The following AFDN variants were observed in gnomAD, a reference collection of about 807,000 sequenced individuals.
AFDN encodes the protein afadin.
In AFDN, 68 loss-of-function variants were observed where a neutral mutation model predicts 216.6. That is an observed-to-expected ratio of 0.31 (90% CI 0.26 to 0.38). AFDN has a LOEUF of 0.38. Ranked by LOEUF, AFDN falls within the 10% of genes least tolerant of loss-of-function variation. The probability of loss-of-function intolerance (pLI) is 1.00; values close to 1 mark genes in which losing one functional copy is unlikely to be tolerated. For missense variants in AFDN, 2,136 were observed against 2,342.0 expected, an observed-to-expected ratio of 0.91 and a Z score of 1.82; for synonymous variants, 868 against 853.7, an observed-to-expected ratio of 1.02 and a Z score of -0.29.
chr6:167,893,831 A>C, intron 8 of AFDN, 31 bp from the exon 9 acceptor site: 1 of 1,554,634 alleles, frequency 6.4e-7, no homozygotes, highest in Admixed American at 1.9e-5. Context: ...TGCTGCCTTC[A>C]CCTGGGTCCT....
chr6:167,916,093 C>T (rs887204197), intron 19 of AFDN, among the ~76,000 whole-genome samples: 18 of 152,194 alleles, frequency 1.2e-4, no homozygotes, highest in African/African-American at 4.3e-4. Context: ...CTTCTGGGGG[C>T]TCTGAGGAAA....
Position 167,946,936 on chromosome 6 carries a change from T to C in AFDN, c.3553+35T>C, listed in dbSNP as rs774043050. 5.1e-6 allele frequency: 8 copies of C among 1,563,276 alleles called. No individual in the cohort carries two copies. The South Asian group carries it at 7.0e-5, about 14-fold the overall frequency. On this transcript the variant is annotated intron_variant, in intron 27 of 33. Transcript: ENST00000683244. Reference sequence around the variant, plus strand: ...ACACTTTTTTGCTTCCTAAGTACACTTGTGATCACAGTCTGAAGTGAGAGG... The same window carrying C: ...ACACTTTTTTGCTTCCTAAGTACACCTGTGATCACAGTCTGAAGTGAGAGG...
chr6:167,829,281 G>A (rs1362693274), intron 1 of AFDN, among the ~76,000 whole-genome samples: 1 of 151,888 alleles, frequency 6.6e-6, no homozygotes, highest in African/African-American at 2.4e-5. Flanking sequence ...TTGTTTTCTC[G>A]AGAACTTTCC....
At chr6:167,898,070 C>T in intron 10 of AFDN, 135 bp from the exon 11 acceptor site, 1 of 952,990 alleles carries the variant, frequency 1.0e-6, no homozygotes, top group Non-Finnish European at 1.5e-6. Context: ...GGGAAATCCA[C>T]TTTAAAAGGC....
intron 13 of AFDN, 103 bp from the exon 14 acceptor site, chr6:167,910,998 A>T: frequency 1.1e-6 from 1 of 889,222 alleles, no homozygotes; most frequent in Non-Finnish European, 1.8e-6. Flanking sequence ...TGGAAAGATT[A>T]GTATATAGAT....
chr6:167,857,125 C>G (rs1782988569), intron 1 of AFDN, among the ~76,000 whole-genome samples: 1 of 151,996 alleles, frequency 6.6e-6, no homozygotes, highest in South Asian at 2.1e-4. Flanking sequence ...AGGAAAGTAT[C>G]TTGAGGCTTA....
intron 23 of AFDN, among the ~76,000 whole-genome samples, chr6:167,938,304 G>C (rs1207599554): frequency 2.6e-5 from 4 of 151,996 alleles, no homozygotes; most frequent in Non-Finnish European, 5.9e-5. Flanking sequence ...GGAGAATGAC[G>C]AGAGAGGTTC....
intron 23 of AFDN, among the ~76,000 whole-genome samples, chr6:167,930,697 C>G (rs1448038257): frequency 1.3e-5 from 2 of 152,144 alleles, no homozygotes; most frequent in Non-Finnish European, 2.9e-5. Context: ...AATCTGTTGC[C>G]CTGAGTAGTT....
chr6:167,952,345 G>T (rs745860335), intron 30 of AFDN, 158 bp downstream of exon 30: 7 of 1,505,978 alleles, frequency 4.6e-6, no homozygotes, highest in African/African-American at 1.4e-5. Context: ...GGCTGATGTC[G>T]TAGAGAAATG....
rs1340265524 is a variant in AFDN at position 167,898,275 on chromosome 6, C to A, written c.1388C>A (p.Pro463His). 1 of 1,614,060 alleles carries A rather than the reference C, an allele frequency of 6.2e-7. No individual in the cohort carries two copies. Among genetic ancestry groups the A allele is most frequent in the South Asian group, 1.1e-5 (1 of 91,076 alleles). Reference sequence around the variant, plus strand: ...ATGGATGGAGTGGTCACTGTGACGCCCAGAAGTATGGACGCAGAAACCTAC... The same window carrying A: ...ATGGATGGAGTGGTCACTGTGACGCACAGAAGTATGGACGCAGAAACCTAC... Reference protein sequence around the residue: ...TNMDGVVTVTPRSMDAETYVE... With the variant: ...TNMDGVVTVTHRSMDAETYVE... The change falls in exon 11 of 34, where the codon CCC becomes CAC. Residue 463 changes from proline to histidine, a missense_variant. This residue lies in a region of AFDN where 817 missense variants were observed against 965.7 expected (regional missense o/e 0.85). Transcript: ENST00000683244.
chr6:167,878,805 G>T (rs1012792057), intron 5 of AFDN, among the ~76,000 whole-genome samples: 1 of 152,238 alleles, frequency 6.6e-6, no homozygotes, highest in African/African-American at 2.4e-5. Context: ...GACTTGCCCA[G>T]CCCTGGGCCT....
chr6:167,827,949 T>C (rs2128051599), intron 1 of AFDN: 1 of 152,280 alleles, frequency 6.6e-6, no homozygotes, highest in East Asian at 1.9e-4. Context: ...ATGGGGGTTG[T>C]TTATAGCAAA....
rs776785058 is a variant in AFDN, at chr6:167,864,628, G to T, written c.183G>T (p.Arg61=). ...AAGNFATKCI[R]VSSTATTQDV... is the part of the protein sequence containing the mutation. ...GAAACTTTGCAACAAAATGTATTCG[G>T]GTCTCTAGTACTGCCACCACTCAAG... is the stretch of plus-strand genomic sequence containing the variant. Residue 61 remains arginine, a synonymous_variant, in exon 2 of 34, where the codon CGG becomes CGT. Transcript: ENST00000683244. The T allele has an allele frequency of 4.0e-5, 64 of 1,614,106 alleles. No individual in the cohort carries two copies. Among genetic ancestry groups the T allele is most frequent in the Non-Finnish European group, 5.3e-5 (63 of 1,180,018 alleles).
intron 31 of AFDN, chr6:167,964,146 G>C (rs1246481757): frequency 1.9e-6 from 2 of 1,063,604 alleles, no homozygotes; most frequent in Non-Finnish European, 1.1e-6. Context: ...AAATACACTT[G>C]TGTTAGTAAC....
chr6:167,851,515 A>C (rs1043849275), intron 1 of AFDN, among the ~76,000 whole-genome samples: 1 of 152,178 alleles, frequency 6.6e-6, no homozygotes, highest in South Asian at 2.1e-4. Flanking sequence ...AAGTGTAGGC[A>C]GTTGAGAATT....
intron 21 of AFDN, among the ~76,000 whole-genome samples, chr6:167,922,605 A>G (rs888993449): frequency 6.6e-6 from 1 of 152,228 alleles, no homozygotes; most frequent in African/African-American, 2.4e-5. Flanking sequence ...GGAGTAAGAA[A>G]AAAGTTCTTT....
At chr6:167,905,592 C>G (rs368556520) in intron 12 of AFDN, among the ~76,000 whole-genome samples, 60 of 152,176 alleles carry the variant, frequency 3.9e-4, no homozygotes, top group African/African-American at 1.4e-3. Flanking sequence ...ATATTTGTCT[C>G]CACACACACC....
Position 167,952,199 on chromosome 6 carries a change from A to G in AFDN, c.4833+12A>G. 6.2e-7 allele frequency: 1 copy of G among 1,613,826 alleles called. No individual in the cohort carries two copies. The highest frequency in any genetic ancestry group is 8.5e-7 in the Non-Finnish European group (1 of 1,179,898). ...AACGAAGAGCGAGGGTAAAGGGGGG[A>G]GTGCTTTGGCTGTGCCCATCTGTGG... On this transcript the variant is annotated intron_variant, in intron 30 of 33. Coordinates refer to ENST00000683244, the MANE Select transcript of AFDN (RefSeq NM_001386888.1).
At chr6:167,873,524 G>A (rs1384444249) in intron 4 of AFDN, among the ~76,000 whole-genome samples, 1 of 151,946 alleles carries the variant, frequency 6.6e-6, no homozygotes, top group East Asian at 1.9e-4. Flanking sequence ...CTTGTTCTAC[G>A]ACTTAGGGAA....
Sources: gnomAD v4.1 joint callset for allele counts (sites outside exome capture counted in the v4.1 genomes callset) on GRCh38, gnomAD v4.1.1 for gene constraint, gnomAD v4.1.1 regional missense constraint, MANE v1.5 for transcripts, NCBI Gene and HGNC (gene_info 2026-07-23, HGNC 2026-07-21) for gene names.